Variants in ENTR1 observed in about 807,000 individuals in gnomAD.
ENTR1 encodes the protein endosome associated trafficking regulator 1, also known as endosome-associated-trafficking regulator 1.
Under a neutral mutation model 47.9 loss-of-function variants are expected in ENTR1, and 47 were observed. The observed-to-expected ratio is 0.98, with a 90% confidence interval of 0.78 to 1.25. The LOEUF is 1.25. Ranked by LOEUF, ENTR1 falls within the 50% of genes most tolerant of loss-of-function variation. The probability of loss-of-function intolerance (pLI) is 0.00; values close to 1 mark genes in which losing one functional copy is unlikely to be tolerated. For missense variants in ENTR1, 668 were observed against 570.5 expected, an observed-to-expected ratio of 1.17 and a Z score of -1.74; for synonymous variants, 290 against 245.8, an observed-to-expected ratio of 1.18 and a Z score of -1.68.
rs571388854 is a variant in ENTR1 at position 136,408,394 on chromosome 9, C to T, written c.290-456G>A. On this transcript the variant is annotated intron_variant, in intron 3 of 9. Coordinates refer to ENST00000357365, the MANE Select transcript of ENTR1 (RefSeq NM_001039707.2). ...GAGACTGAGACCATCCTGGCTAACA[C>T]GGTGAAACCTCATCTCTACTAAAAA... 1.3e-3 allele frequency among the ~76,000 whole-genome samples: 196 copies of T among 152,088 alleles called. 3 individuals are homozygous for T. The highest frequency in any genetic ancestry group is 0.01 in the East Asian group (52 of 5,152).
rs924098546 is a variant in ENTR1, at chr9:136,409,145, T to C, written c.221-78A>G. 4 of 1,265,914 alleles carry C rather than the reference T, an allele frequency of 3.2e-6. No individual in the cohort carries two copies. In the Admixed American group the frequency reaches 6.8e-5, roughly 21 times the overall value. The allele number at this position is 1,265,914 out of a possible 1,614,324, so 78.4% of individuals were successfully genotyped here. On this transcript the variant is annotated intron_variant, in intron 2 of 9. Transcript: ENST00000357365. Reference sequence around the variant, plus strand: ...ACATTTGGTTTTTTTCTTTTGCACATGGAGTCTCCACTGCAGTGGTTCTCA... The same window carrying C: ...ACATTTGGTTTTTTTCTTTTGCACACGGAGTCTCCACTGCAGTGGTTCTCA...
At chr9:136,409,396 T>C (rs1834962908) in intron 2 of ENTR1, among the ~76,000 whole-genome samples, 1 of 152,170 alleles carries the variant, frequency 6.6e-6, no homozygotes, top group Admixed American at 6.5e-5. Context: ...TTAGCCAGGA[T>C]GGTCTCAATC....
chr9:136,409,132 T>TTTC, intron 2 of ENTR1, 65 bp from the exon 3 acceptor site: 1 of 1,483,540 alleles, frequency 6.7e-7, no homozygotes, highest in Non-Finnish European at 9.4e-7. Context: ...ATTTGGTTTT[T>TTTC]TTCTTTTGCA....
chr9:136,406,045 G>C lies in ENTR1; in HGVS notation c.820-67C>G, dbSNP rs114216334. ...GGCTCAAAAGGGCGTGTGCTTCTGC[G>C]GTGTGGCTCCAGAGCCTCCTGATAA... On this transcript the variant is annotated intron_variant, in intron 5 of 9. Transcript: ENST00000357365. 1.3e-5 allele frequency: 15 copies of C among 1,175,478 alleles called. No homozygotes were observed. The South Asian group carries it at 1.8e-4, about 14-fold the overall frequency. The allele number at this position is 1,175,478 out of a possible 1,614,324, so 72.8% of individuals were successfully genotyped here. A position where few individuals can be genotyped will look rare whatever the true frequency, so the allele number is the denominator to read the frequency against.
At position 136,403,662 on chromosome 9, in the gene ENTR1, C is replaced by T. The variant is rs191688393; in HGVS notation, c.1208+393G>A. ...ATGGGTGGCAGACACTCACCACTGT[C>T]ACAGTCATGGTGGCTGGCGTGTCCC... On this transcript the variant is annotated intron_variant, in intron 9 of 9. Coordinates refer to ENST00000357365, the MANE Select transcript of ENTR1 (RefSeq NM_001039707.2). 2.6e-5 allele frequency among the ~76,000 whole-genome samples: 4 copies of T among 152,236 alleles called. No homozygotes were observed. The East Asian group carries it at 7.7e-4, about 29-fold the overall frequency.
rs1004350245 is a variant in ENTR1, at chr9:136,410,500, C to T, written c.-103G>A. 1.4e-4 allele frequency: 133 copies of T among 948,426 alleles called. No individual in the cohort carries two copies. In the Middle Eastern group the frequency reaches 1.4e-3, roughly 10 times the overall value. 58.8% of individuals were successfully genotyped at this position (948,426 alleles called of 1,614,324 possible). On this transcript the variant is annotated 5_prime_UTR_variant, in exon 1 of 10. Coordinates refer to ENST00000357365, the MANE Select transcript of ENTR1 (RefSeq NM_001039707.2). ...GCCCGCGTCGCCCGCCCCCGTCGCC[C>T]GCCCCCGTCGCCCGCCGCTCGGCCG... is the stretch of plus-strand genomic sequence containing the variant.
intron 6 of ENTR1, among the ~76,000 whole-genome samples, chr9:136,405,655 T>C (rs1463085799): frequency 2.6e-5 from 4 of 152,186 alleles, no homozygotes; most frequent in African/African-American, 7.2e-5. Context: ...GATGGGAGGA[T>C]TGCTGGAGCC....
rs555758497 is a variant in ENTR1 at position 136,407,867 on chromosome 9, C to T, written c.361G>A (p.Gly121Ser). 7.9e-5 allele frequency: 128 copies of T among 1,613,454 alleles called. No individual in the cohort carries two copies. Among genetic ancestry groups the T allele is most frequent in the African/African-American group, 1.1e-4 (8 of 75,010 alleles). The change falls in exon 4 of 10, where the codon GGC (glycine) becomes AGC (serine). Residue 121 changes from glycine (G) to serine (S), a missense_variant. Physicochemically the swap from Gly to Ser is moderately conservative, Grantham distance 56. Coordinates refer to ENST00000357365, the MANE Select transcript of ENTR1 (RefSeq NM_001039707.2). Reference protein sequence around the residue: ...FREFLKTKNLGLSKEDPASRI... With the variant: ...FREFLKTKNLSLSKEDPASRI... The stretch of plus-strand genomic sequence containing the variant: ...CTGGCCGGATCCTCTTTCGAGAGGC[C>T]GAGGTTCTTGGTCTTCAGAAACTCT...
At position 136,408,581 on chromosome 9, in the gene ENTR1, AAAC is replaced by A. The variant is rs372397539; in HGVS notation, c.289+415_289+417del. Among the ~76,000 whole-genome samples the A allele has an allele frequency of 5.3e-3, 812 of 152,126 alleles. 3 individuals carry two copies. The highest frequency in any genetic ancestry group is 0.015 in the African/African-American group (621 of 41,508). On this transcript the variant is annotated intron_variant, in intron 3 of 9. Transcript: ENST00000357365. ...CGACAGAGCGAGACTCTGTCTCAAA[AAAC>A]AACAACAACAACCAGCTCCTCAGGT...
In ENTR1 at chr9:136,410,596, G is replaced by A. The variant is rs1245295155; in HGVS notation, c.-199C>T. 1.7e-5 allele frequency: 21 copies of A among 1,267,724 alleles called. No homozygotes were observed. Among genetic ancestry groups the A allele is most frequent in the Non-Finnish European group, 2.1e-5 (21 of 996,864 alleles). The allele number at this position is 1,267,724 out of a possible 1,614,324, so 78.5% of individuals were successfully genotyped here. A position where few individuals can be genotyped will look rare whatever the true frequency, so the allele number is the denominator to read the frequency against. ...CGAAAGCGCGTGCCTGAACGCCTTG[G>A]GCCGTCGGCGAGGGGGAGGGGAAGC... On this transcript the variant is annotated 5_prime_UTR_variant, in exon 1 of 10. Transcript: ENST00000357365.
chr9:136,410,095 T>C lies in ENTR1; in HGVS notation c.215A>G (p.Asp72Gly), dbSNP rs1158936160. The change falls in exon 2 of 10, where the codon GAC becomes GGC. Residue 72 changes from aspartate (D) to glycine (G), a missense_variant. By Grantham distance (94) the Asp-to-Gly change is moderately conservative. Coordinates refer to ENST00000357365, the MANE Select transcript of ENTR1 (RefSeq NM_001039707.2). ...VPSPVLASVG[D>G]TDFGYGKGKC... Reference sequence around the variant, plus strand: ...CCGGCGCCCTCGTCTCTCACCTGTGTCTCCCACGGAAGCCAGCACCGGGCT... The same window carrying C: ...CCGGCGCCCTCGTCTCTCACCTGTGCCTCCCACGGAAGCCAGCACCGGGCT... The C allele has an allele frequency of 1.2e-6, 2 of 1,612,148 alleles. No individual in the cohort carries two copies. The highest frequency in any genetic ancestry group is 1.1e-5 in the South Asian group (1 of 91,006).
chr9:136,405,840 T>C, intron 6 of ENTR1, 65 bp downstream of exon 6: 1 of 1,010,744 alleles, frequency 9.9e-7, no homozygotes, highest in Non-Finnish European at 1.5e-6. Flanking sequence ...TCATTATCAT[T>C]TAAAAACGGA....
chr9:136,405,928 G>A lies in ENTR1; in HGVS notation c.870C>T (p.Ser290=). ...ACATTTCTGTTTGAGCTTCAGAGAA[G>A]CTCTGAACCTCATTCAGCTTTCTTC... ...KLRRKLNEVQ[S]FSEAQTEMVR... The change falls in exon 6 of 10, where the codon AGC becomes AGT. Residue 290 remains serine, a synonymous_variant. Coordinates refer to ENST00000357365, the MANE Select transcript of ENTR1 (RefSeq NM_001039707.2). 6.2e-7 allele frequency: 1 copy of A among 1,604,770 alleles called. No homozygotes were observed. The highest frequency in any genetic ancestry group is 8.5e-7 in the Non-Finnish European group (1 of 1,175,294).
Position 136,401,963 on chromosome 9 carries a change from T to C in ENTR1, c.*825A>G, listed in dbSNP as rs1184786754. On this transcript the variant is annotated 3_prime_UTR_variant, in exon 10 of 10. Transcript: ENST00000357365. ...ATTTATTAAATAAGAAAGCTATCAA[T>C]TGGAACAGGAGGAAAAAAAAGTTTT... 6.6e-6 allele frequency: 1 copy of C among 152,122 alleles called. No homozygotes were observed. Among genetic ancestry groups the C allele is most frequent in the Non-Finnish European group, 1.5e-5 (1 of 68,016 alleles). The allele number at this position is 152,122 out of a possible 1,614,324, so 9.4% of individuals were successfully genotyped here.
At chr9:136,402,949 GGGGGGAGAAAGGGGAGGGGTTGGTA>G in intron 9 of ENTR1, 62 bp from the exon 10 acceptor site, 1 of 1,313,490 alleles carries the variant, frequency 7.6e-7, no homozygotes, top group Non-Finnish European at 1.1e-6. Context: ...ACAGGGTTCT[GGGGGGAGAAAGGGGAGGGGTTGGTA>G]GGGGGAAAAA....
rs1246827942 is a variant in ENTR1 at position 136,410,223 on chromosome 9, C to G, written c.87G>C (p.Glu29Asp). ...TTAGCTGGGGGAGACAAGACCGGCGCTCATAGAACGCTGGAGCTGGAAGCA... is the reference window on the plus strand; with the variant it reads ...TTAGCTGGGGGAGACAAGACCGGCGGTCATAGAACGCTGGAGCTGGAAGCA... ...LAIPDAPAFYERRSCLPQLNC... is the reference protein window; with the variant it reads ...LAIPDAPAFYDRRSCLPQLNC... The change falls in exon 2 of 10, where the codon GAG becomes GAC. Residue 29 changes from glutamate (E) to aspartate (D), a missense_variant. By Grantham distance (45) the Glu-to-Asp change is conservative (BLOSUM62 2). Coordinates refer to ENST00000357365, the MANE Select transcript of ENTR1 (RefSeq NM_001039707.2). 2 of 1,585,484 alleles carry G rather than the reference C, an allele frequency of 1.3e-6. No individual in the cohort carries two copies. Among genetic ancestry groups the G allele is most frequent in the Middle Eastern group, 1.7e-4 (1 of 6,030 alleles).
chr9:136,407,157 T>TA lies in ENTR1; in HGVS notation c.806dup (p.Ser270LysfsTer8). ...GAGGCTCACTTACTGCGTCGTAACT[T>TA]ATCTGCAGCGTCCGCAGGTGCCTGT... On this transcript the variant is annotated frameshift_variant, in exon 5 of 10. Coordinates refer to ENST00000357365, the MANE Select transcript of ENTR1 (RefSeq NM_001039707.2). LOFTEE classifies it high-confidence loss of function. 6.3e-7 allele frequency: 1 copy of TA among 1,599,404 alleles called. No homozygotes were observed. Among genetic ancestry groups the TA allele is most frequent in the Non-Finnish European group, 8.5e-7 (1 of 1,170,122 alleles).
Position 136,410,565 on chromosome 9 carries a change from G to C in ENTR1, c.-168C>G, listed in dbSNP as rs1379135349. Reference sequence around the variant, plus strand: ...AGCCTCTCGCCGCTGCTTCCGCTCCGAGCACCGAAAGCGCGTGCCTGAACG... The same window carrying C: ...AGCCTCTCGCCGCTGCTTCCGCTCCCAGCACCGAAAGCGCGTGCCTGAACG... On this transcript the variant is annotated 5_prime_UTR_variant, in exon 1 of 10. Coordinates refer to ENST00000357365, the MANE Select transcript of ENTR1 (RefSeq NM_001039707.2). The C allele has an allele frequency of 1.7e-6, 2 of 1,157,450 alleles. No individual in the cohort carries two copies. Among genetic ancestry groups the C allele is most frequent in the South Asian group, 4.3e-5 (1 of 23,510 alleles). 71.7% of individuals were successfully genotyped at this position (1,157,450 alleles called of 1,614,324 possible).
intron 9 of ENTR1, among the ~76,000 whole-genome samples, chr9:136,403,759 T>A (rs1834624541): frequency 6.6e-6 from 1 of 152,082 alleles, no homozygotes; most frequent in Admixed American, 6.5e-5. Context: ...CACTATTTCC[T>A]TTATTCAGAG....
Sources: allele counts gnomAD v4.1 joint callset (sites outside exome capture counted in the v4.1 genomes callset), GRCh38; gene constraint gnomAD v4.1.1; transcripts MANE v1.5; gene names NCBI Gene and HGNC (gene_info 2026-07-23, HGNC 2026-07-21).